Variants in MCTP2 observed in about 807,000 individuals in gnomAD.
MCTP2 encodes multiple C2 and transmembrane domain-containing protein 2.
Under a neutral mutation model 111.6 loss-of-function variants are expected in MCTP2, and 132 were observed. The observed-to-expected ratio is 1.18, with a 90% CI of 1.03 to 1.37. The LOEUF (loss-of-function observed/expected upper bound fraction) is 1.37, where lower values mean the gene tolerates loss of function less well. Among genes scored for constraint, MCTP2 ranks in the 40% most tolerant of loss-of-function variants. The pLI, the probability that MCTP2 is intolerant of heterozygous loss-of-function variation, is 0.00. For synonymous variants in MCTP2, 395 were observed against 387.7 expected, an observed-to-expected ratio of 1.02 and a Z score of -0.22; for missense variants, 1,183 against 1,067.9, an observed-to-expected ratio of 1.11 and a Z score of -1.50.
At chr15:94,395,483 A>C (rs758180817) in intron 14 of MCTP2, among the ~76,000 whole-genome samples, 1 of 152,240 alleles carries the variant, frequency 6.6e-6, no homozygotes, top group Non-Finnish European at 1.5e-5. Context: ...AATTCATTGC[A>C]TCAAAGATCT....
At chr15:94,293,263 A>G (rs916502122) in intron 1 of MCTP2, among the ~76,000 whole-genome samples, 5 of 152,218 alleles carry the variant, frequency 3.3e-5, no homozygotes, top group African/African-American at 4.8e-5. Flanking sequence ...ACTAAGAATG[A>G]GAAGACAAGC....
chr15:94,463,198 C>G (rs2085320395), intron 20 of MCTP2, among the ~76,000 whole-genome samples: 1 of 152,160 alleles, frequency 6.6e-6, no homozygotes, highest in African/African-American at 2.4e-5. Flanking sequence ...GAATTGATAT[C>G]CAGATACATG....
In MCTP2 at chr15:94,464,257, T is replaced by TATTATATA. The variant is rs4001978; in HGVS notation, c.2360+6011_2360+6012insATTATATA. 1.6e-4 allele frequency among the ~76,000 whole-genome samples: 7 copies of TATTATATA among 44,966 alleles called. 1 individual carries two copies. The highest frequency in any genetic ancestry group is 7.5e-4 in the South Asian group (1 of 1,340). 29.5% of individuals were successfully genotyped at this position (44,966 alleles called of 152,430 possible). A position where few individuals can be genotyped will look rare whatever the true frequency, so the allele number is the denominator to read the frequency against. ...TATATATAATATATATATATATATA[T>TATTATATA]TATATATATATATATATATATAAAC... On this transcript the variant is annotated intron_variant, in intron 20 of 22. Coordinates refer to ENST00000357742, the MANE Select transcript of MCTP2 (RefSeq NM_001385001.1).
chr15:94,375,856 C>T (rs752980667), intron 12 of MCTP2, among the ~76,000 whole-genome samples: 2 of 152,172 alleles, frequency 1.3e-5, no homozygotes, highest in Admixed American at 1.3e-4. Context: ...AATAAAGATA[C>T]ATTTAATTAC....
chr15:94,250,843 T>C (rs1022912639), intron 1 of MCTP2, among the ~76,000 whole-genome samples: 1 of 152,226 alleles, frequency 6.6e-6, no homozygotes. Flanking sequence ...GAAAAAGCTG[T>C]CTTCATTGTG....
Position 94,244,061 on chromosome 15 carries a change from C to A in MCTP2, c.-66+12397C>A, listed in dbSNP as rs181793324. Among the ~76,000 whole-genome samples the A allele has an allele frequency of 8.6e-3, 1,258 of 145,560 alleles. 24 individuals are homozygous for A. The highest frequency in any genetic ancestry group is 0.029 in the African/African-American group (1,161 of 39,462). On this transcript the variant is annotated intron_variant, in intron 1 of 22. Transcript: ENST00000357742. The stretch of plus-strand genomic sequence containing the variant: ...TATTGCACACATATGTATACACATA[C>A]ATATGTGTATATATTTATGCACACA...
chr15:94,386,126 C>G (rs1177716891), intron 14 of MCTP2, among the ~76,000 whole-genome samples: 1 of 152,184 alleles, frequency 6.6e-6, no homozygotes, highest in African/African-American at 2.4e-5. Flanking sequence ...GGAAAAAATA[C>G]TTACAAAATT....
intron 1 of MCTP2, among the ~76,000 whole-genome samples, chr15:94,291,616 A>C (rs2075036287): frequency 6.6e-6 from 1 of 152,232 alleles, no homozygotes; most frequent in Admixed American, 6.5e-5. Context: ...AAGAAAAAAA[A>C]AAAAGTGAAA....
At chr15:94,374,271 T>C (rs146311472) in intron 12 of MCTP2, among the ~76,000 whole-genome samples, 3 of 152,192 alleles carry the variant, frequency 2.0e-5, no homozygotes, top group Non-Finnish European at 4.4e-5. Flanking sequence ...AGAATTGAAA[T>C]GTTTTTCAGT....
chr15:94,258,555 T>A (rs1245712404), intron 1 of MCTP2, among the ~76,000 whole-genome samples: 1 of 152,218 alleles, frequency 6.6e-6, no homozygotes, highest in Admixed American at 6.5e-5. Context: ...AAATTAATAG[T>A]TAATGAATTT....
intron 17 of MCTP2, among the ~76,000 whole-genome samples, chr15:94,436,343 A>G (rs948548765): frequency 6.6e-6 from 1 of 152,208 alleles, no homozygotes; most frequent in South Asian, 2.1e-4. Context: ...TTCTTTGAAG[A>G]TGCTTAGATA....
intron 1 of MCTP2, among the ~76,000 whole-genome samples, chr15:94,245,243 T>TACATATGTGTATATATATAC (rs1567263516): frequency 6.4e-5 from 9 of 140,806 alleles, no homozygotes; most frequent in African/African-American, 2.3e-4. Context: ...TATGTATATA[T>TACATATGTGTATATATATAC]ACACATATGT....
Position 94,479,056 on chromosome 15 carries a change from G to A in MCTP2, c.*22G>A. On this transcript the variant is annotated 3_prime_UTR_variant, in exon 23 of 23. Transcript: ENST00000357742. ...CTAGGGCACACACCGACTTTGGACA[G>A]CAGCACCCAATATTGTGTTTGGTTG... is the stretch of plus-strand genomic sequence containing the variant. 1.2e-6 allele frequency: 2 copies of A among 1,611,776 alleles called. No homozygotes were observed. Among genetic ancestry groups the A allele is most frequent in the East Asian group, 2.2e-5 (1 of 44,844 alleles).
chr15:94,379,819 A>T (rs2080018348), intron 12 of MCTP2, among the ~76,000 whole-genome samples: 1 of 143,116 alleles, frequency 7.0e-6, no homozygotes, highest in South Asian at 2.1e-4. Context: ...TATATGACAT[A>T]ATTATATATG....
chr15:94,439,463 A>G (rs544786564), intron 17 of MCTP2, among the ~76,000 whole-genome samples: 14 of 152,158 alleles, frequency 9.2e-5, no homozygotes, highest in Admixed American at 2.6e-4. Context: ...GCCTCATGTT[A>G]TAATTAAAAG....
At chr15:94,308,547 A>T (rs1408465225) in intron 2 of MCTP2, among the ~76,000 whole-genome samples, 1 of 152,256 alleles carries the variant, frequency 6.6e-6, no homozygotes, top group African/African-American at 2.4e-5. Context: ...TGTTTTAAGA[A>T]GTTACAAGGA....
chr15:94,434,338 A>G (rs2083349913), intron 17 of MCTP2, among the ~76,000 whole-genome samples: 1 of 151,964 alleles, frequency 6.6e-6, no homozygotes, highest in African/African-American at 2.4e-5. Context: ...TTGGCCTCAC[A>G]AAGTGCTGAG....
chr15:94,465,010 G>C (rs1320027241), intron 20 of MCTP2, among the ~76,000 whole-genome samples: 1 of 151,914 alleles, frequency 6.6e-6, no homozygotes, highest in Non-Finnish European at 1.5e-5. Context: ...ATTTGTTTTT[G>C]TTTGGCTTGT....
At chr15:94,366,351 G>A (rs1361913965) in intron 10 of MCTP2, among the ~76,000 whole-genome samples, 1 of 152,112 alleles carries the variant, frequency 6.6e-6, no homozygotes, top group Non-Finnish European at 1.5e-5. Flanking sequence ...GGAAATAAAT[G>A]CCCAGTTAAG....
Sources: allele counts gnomAD v4.1 joint callset (sites outside exome capture counted in the v4.1 genomes callset), GRCh38; gene constraint gnomAD v4.1.1; transcripts MANE v1.5; gene names NCBI Gene and HGNC (gene_info 2026-07-23, HGNC 2026-07-21).